The following STAB2 variants were observed in gnomAD, a reference collection of about 807,000 sequenced individuals.
The protein encoded by STAB2 is stabilin 2, also known as stabilin-2.
STAB2 carries 288 observed loss-of-function variants against 338.1 expected under a neutral mutation model. The ratio of observed to expected loss-of-function variants is 0.85; its 90% CI spans 0.77 to 0.94. The LOEUF (loss-of-function observed/expected upper bound fraction) is 0.94, where lower values mean the gene tolerates loss of function less well. STAB2 is among the 40% of genes least tolerant of loss of function. The pLI, the probability that STAB2 is intolerant of heterozygous loss-of-function variation, is 0.00. For synonymous variants in STAB2, 1,202 were observed against 1,193.3 expected, an observed-to-expected ratio of 1.01 and a Z score of -0.15; for missense variants, 3,141 against 3,210.1, an observed-to-expected ratio of 0.98 and a Z score of 0.52.
At chr12:103,759,915 C>T (rs1462119633) in intron 65 of STAB2, among the ~76,000 whole-genome samples, 1 of 152,146 alleles carries the variant, frequency 6.6e-6, no homozygotes, top group Non-Finnish European at 1.5e-5. Flanking sequence ...GGATCAAGAG[C>T]TTATTTACTT....
intron 6 of STAB2, among the ~76,000 whole-genome samples, chr12:103,636,186 AT>A (rs1397923062): frequency 6.8e-6 from 1 of 146,264 alleles, no homozygotes; most frequent in East Asian, 2.2e-4. Flanking sequence ...TCCTAATGCT[AT>A]CCATCCCCCC....
intron 5 of STAB2, among the ~76,000 whole-genome samples, chr12:103,623,988 A>G (rs918990518): frequency 3.3e-5 from 5 of 152,194 alleles, no homozygotes; most frequent in East Asian, 3.8e-4. Flanking sequence ...ACGTCTCCCA[A>G]AAAGGAATAT....
At position 103,708,849 on chromosome 12, in the gene STAB2, C is replaced by T. The variant is rs1439441030; in HGVS notation, c.4288+313C>T. On this transcript the variant is annotated intron_variant, in intron 39 of 68. Transcript: ENST00000388887. ...TCTAGTAACCTACTTTTCCACTTCACAATATATATATAGATATCTTTCCCT... is the reference window on the plus strand; with the variant it reads ...TCTAGTAACCTACTTTTCCACTTCATAATATATATATAGATATCTTTCCCT... Among the ~76,000 whole-genome samples, 3 of 151,996 alleles carry T rather than the reference C, an allele frequency of 2.0e-5. No individual in the cohort carries two copies. In the East Asian group the frequency reaches 5.8e-4, roughly 29 times the overall value.
At position 103,699,104 on chromosome 12, in the gene STAB2, C is replaced by T. The variant is rs201227143; in HGVS notation, c.3591C>T (p.Asp1197=). The part of the protein sequence containing the change: ...REKKVLSLEE[D]VLRYHVVLEE... ...TTCTGTGTGTGATCCAGGAGGAGGA[C>T]GTCCTCCGGTATCATGTGGTCCTGG... The change falls in exon 34 of 69, where the codon GAC becomes GAT. Residue 1197 remains aspartate (D), a synonymous_variant. Coordinates refer to ENST00000388887, the MANE Select transcript of STAB2 (RefSeq NM_017564.10). 1.1e-4 allele frequency: 178 copies of T among 1,608,112 alleles called. No homozygotes were observed. The East Asian group carries it at 3.0e-3, about 27-fold the overall frequency.
At chr12:103,620,396 G>T in intron 3 of STAB2, 72 bp from the exon 4 acceptor site, 1 of 1,385,902 alleles carries the variant, frequency 7.2e-7, no homozygotes, top group Middle Eastern at 2.1e-4. Flanking sequence ...CTTAGTAGGT[G>T]TTTAAGCGCA....
At chr12:103,732,972 C>G (rs774795117) in intron 50 of STAB2, 34 bp from the exon 51 acceptor site, 11 of 1,605,118 alleles carry the variant, frequency 6.9e-6, no homozygotes, top group Non-Finnish European at 3.4e-6. Context: ...GGGCCTTGCT[C>G]AAGCCAGCAA....
At chr12:103,648,547 G>A (rs1873499060) in intron 9 of STAB2, 143 bp from the exon 10 acceptor site, 4 of 1,050,996 alleles carry the variant, frequency 3.8e-6, no homozygotes, top group African/African-American at 3.2e-5. Flanking sequence ...CTAGATGTCA[G>A]ATACCACACT....
intron 34 of STAB2, among the ~76,000 whole-genome samples, chr12:103,701,272 G>C (rs1878847572): frequency 6.6e-6 from 1 of 151,752 alleles, no homozygotes; most frequent in African/African-American, 2.4e-5. Context: ...ATTTGGGTTG[G>C]TTCCAAGTCT....
At chr12:103,641,744 A>G (rs1262972744) in intron 9 of STAB2, among the ~76,000 whole-genome samples, 1 of 152,244 alleles carries the variant, frequency 6.6e-6, no homozygotes, top group Non-Finnish European at 1.5e-5. Context: ...AGCTGCTTCC[A>G]AATTTGTGTT....
chr12:103,763,654 GGGA>G (rs773243924), intron 68 of STAB2, 46 bp downstream of exon 68: 5 of 1,509,154 alleles, frequency 3.3e-6, no homozygotes, highest in Non-Finnish European at 3.7e-6. Flanking sequence ...TGGGGTACAG[GGGA>G]ATGATGTCTT....
At position 103,683,117 on chromosome 12, in the gene STAB2, A is replaced by G. The variant is rs1043169184; in HGVS notation, c.2806-88A>G. 1.5e-5 allele frequency: 18 copies of G among 1,168,476 alleles called. No homozygotes were observed. The South Asian group carries it at 1.7e-4, about 11-fold the overall frequency. The allele number at this position is 1,168,476 out of a possible 1,614,324, so 72.4% of individuals were successfully genotyped here. A position where few individuals can be genotyped will look rare whatever the true frequency, so the allele number is the denominator to read the frequency against. ...GGACAGCCAAGCAGCTTCAGTTTCC[A>G]TAGTACGTTTCTCAGTGCTGTGTGA... On this transcript the variant is annotated intron_variant, in intron 25 of 68. Coordinates refer to ENST00000388887, the MANE Select transcript of STAB2 (RefSeq NM_017564.10).
At chr12:103,718,294 C>T (rs1186849439) in intron 44 of STAB2, among the ~76,000 whole-genome samples, 1 of 152,170 alleles carries the variant, frequency 6.6e-6, no homozygotes, top group Non-Finnish European at 1.5e-5. Flanking sequence ...TCTGTCATCA[C>T]AGAGGCCTAG....
intron 2 of STAB2, among the ~76,000 whole-genome samples, chr12:103,593,982 A>G (rs1013420391): frequency 2.6e-5 from 4 of 152,224 alleles, no homozygotes; most frequent in Non-Finnish European, 5.9e-5. Context: ...TCCAATAAAT[A>G]TGCTAAGCCT....
chr12:103,624,872 A>C (rs1051088668), intron 5 of STAB2, among the ~76,000 whole-genome samples: 4 of 144,204 alleles, frequency 2.8e-5, no homozygotes, highest in Non-Finnish European at 6.0e-5. Context: ...TAGGAGTCTG[A>C]GGTTGCAGTG....
chr12:103,722,155 G>T (rs1880818352), intron 44 of STAB2, among the ~76,000 whole-genome samples: 1 of 152,150 alleles, frequency 6.6e-6, no homozygotes, highest in Non-Finnish European at 1.5e-5. Context: ...AGCACAAGAT[G>T]AAAGGTAGAG....
intron 2 of STAB2, among the ~76,000 whole-genome samples, chr12:103,593,530 C>T (rs1283757265): frequency 2.0e-5 from 3 of 152,154 alleles, no homozygotes; most frequent in Non-Finnish European, 2.9e-5. Context: ...TGCCCACCTT[C>T]GTGAAGAAGT....
At chr12:103,611,764 G>T (rs566850817) in intron 3 of STAB2, among the ~76,000 whole-genome samples, 1 of 152,330 alleles carries the variant, frequency 6.6e-6, no homozygotes, top group African/African-American at 2.4e-5. Context: ...GTTAGTTGAT[G>T]CAGTTTCTTC....
chr12:103,592,783 T>C (rs904798434), intron 2 of STAB2, among the ~76,000 whole-genome samples: 2 of 152,230 alleles, frequency 1.3e-5, no homozygotes, highest in African/African-American at 2.4e-5. Flanking sequence ...ACTAAATCTC[T>C]AGAATGTTTT....
chr12:103,717,970 G>T, intron 44 of STAB2, 129 bp downstream of exon 44: 1 of 879,766 alleles, frequency 1.1e-6, no homozygotes. Flanking sequence ...TTGACCATGA[G>T]GCTTGTTTCT....
Sources: gnomAD v4.1 joint callset for allele counts (sites outside exome capture counted in the v4.1 genomes callset) on GRCh38, gnomAD v4.1.1 for gene constraint, MANE v1.5 for transcripts, NCBI Gene and HGNC (gene_info 2026-07-23, HGNC 2026-07-21) for gene names.